The following DEAF1 variants were observed in gnomAD, a reference collection of about 807,000 sequenced individuals.
DEAF1 encodes DEAF1 transcription factor.
In DEAF1, 53 loss-of-function variants were observed where a neutral mutation model predicts 58.9. The ratio of observed to expected loss-of-function variants is 0.90; its 90% confidence interval spans 0.72 to 1.13. DEAF1 has a LOEUF of 1.13. Among genes scored for constraint, DEAF1 ranks in the 50% most tolerant of loss-of-function variants. The pLI, the probability that DEAF1 is intolerant of heterozygous loss-of-function variation, is 0.00. For synonymous variants in DEAF1, 385 were observed against 340.4 expected (o/e 1.13, Z -1.44); for missense variants, 685 against 791.4 (o/e 0.87, Z 1.61).
In DEAF1 at chr11:691,540, C is replaced by G. The variant is rs762223267; in HGVS notation, c.348G>C (p.Thr116=). ...VGAAADNVFT[T]SVANAASISG... ...AGATGGATGCCGCGTTCGCCACAGA[C>G]GTGGTGAAGACATTGTCTGCAGCAG... Residue 116 remains threonine, a synonymous_variant, in exon 2 of 12, where the codon ACG becomes ACC. Coordinates refer to ENST00000382409, the MANE Select transcript of DEAF1 (RefSeq NM_021008.4). The G allele has an allele frequency of 3.1e-6, 5 of 1,613,694 alleles. No individual in the cohort carries two copies. Among genetic ancestry groups the G allele is most frequent in the Non-Finnish European group, 3.4e-6 (4 of 1,180,006 alleles).
At chr11:702,586 C>A (rs1861546418) in intron 1 of DEAF1, among the ~76,000 whole-genome samples, 1 of 152,144 alleles carries the variant, frequency 6.6e-6, no homozygotes, top group Non-Finnish European at 1.5e-5. Flanking sequence ...GGGAATTTTT[C>A]AAAAAAATCC....
At position 678,696 on chromosome 11, in the gene DEAF1, A is replaced by G; in HGVS notation, c.1253T>C (p.Ile418Thr). The change falls in exon 9 of 12, where the codon ATA becomes ACA. Residue 418 changes from isoleucine to threonine, a missense_variant and splice_region_variant. Transcript: ENST00000382409. ...TGTGTGAATTCTTTCAAACCTACCT[A>G]TTTTGGGATGTGACGTTGGCAACGC... ...EAALPTSHPKIVLTSLPALAV... is the reference protein window; with the variant it reads ...EAALPTSHPKTVLTSLPALAV... 1.2e-6 allele frequency: 2 copies of G among 1,614,000 alleles called. No homozygotes were observed. The highest frequency in any genetic ancestry group is 2.2e-5 in the South Asian group (2 of 91,068).
chr11:669,167 G>A (rs1183402207), intron 10 of DEAF1, among the ~76,000 whole-genome samples: 2 of 126,742 alleles, frequency 1.6e-5, no homozygotes, highest in Non-Finnish European at 3.1e-5. Flanking sequence ...GTCTCACAAT[G>A]TCCAGGCTTG....
chr11:687,170 C>T (rs374461993), intron 4 of DEAF1, among the ~76,000 whole-genome samples, 173 bp from the exon 5 acceptor site: 14 of 152,368 alleles, frequency 9.2e-5, no homozygotes, highest in Non-Finnish European at 1.8e-4. Context: ...TCTGCCTTTG[C>T]AGCCTGTGCC....
rs755052270 is a variant in DEAF1, at chr11:694,825, G to T, written c.223C>A (p.His75Asn). The T allele has an allele frequency of 1.4e-6, 2 of 1,452,338 alleles. No homozygotes were observed. Among genetic ancestry groups the T allele is most frequent in the Non-Finnish European group, 1.8e-6 (2 of 1,105,378 alleles). The allele number at this position is 1,452,338 out of a possible 1,614,324, so 90.0% of individuals were successfully genotyped here. A position where few individuals can be genotyped will look rare whatever the true frequency, so the allele number is the denominator to read the frequency against. Residue 75 changes from histidine to asparagine, a missense_variant, in exon 1 of 12, where the codon CAC becomes AAC. By Grantham distance (68) the His-to-Asn change is moderately conservative (BLOSUM62 1). Transcript: ENST00000382409. The stretch of plus-strand genomic sequence containing the variant: ...AGGGCCTCGGCGCCCATGTCCATGT[G>T]CCCGGGCTCCGCCGCCATCACCGCC... ...AVAVMAAEPG[H>N]MDMGAEALPG... is the part of the protein sequence containing the mutation.
At chr11:654,689 C>G in intron 10 of DEAF1, 2 of 450,998 alleles carry the variant, frequency 4.4e-6, no homozygotes, top group Non-Finnish European at 8.9e-6. Flanking sequence ...GGCAACGTTG[C>G]GAAACCCAGT....
intron 1 of DEAF1, among the ~76,000 whole-genome samples, chr11:702,349 T>TGGGGCC (rs1861536609): frequency 6.6e-6 from 1 of 152,242 alleles, no homozygotes; most frequent in Non-Finnish European, 1.5e-5. Context: ...GCTGATCTTC[T>TGGGGCC]GGGGCCTGGG....
chr11:649,668 C>T (rs1001753913), intron 11 of DEAF1, among the ~76,000 whole-genome samples: 1 of 151,890 alleles, frequency 6.6e-6, no homozygotes, highest in African/African-American at 2.4e-5. Context: ...TGCAGTGAGC[C>T]GAGATTACGC....
chr11:689,742 G>C (rs1035102115), intron 2 of DEAF1: 1 of 152,216 alleles, frequency 6.6e-6, no homozygotes, highest in Non-Finnish European at 1.5e-5. Flanking sequence ...GGAACACACA[G>C]TTATTTCAGA....
chr11:692,100 G>A (rs1590022559), intron 1 of DEAF1: 2 of 249,690 alleles, frequency 8.0e-6, no homozygotes, highest in Admixed American at 1.0e-4. Context: ...CACAGCCATT[G>A]CCCTTGGTCT....
At chr11:682,828 G>A (rs986875894) in intron 6 of DEAF1, among the ~76,000 whole-genome samples, 1 of 152,156 alleles carries the variant, frequency 6.6e-6, no homozygotes, top group African/African-American at 2.4e-5. Flanking sequence ...CACTTCCCAG[G>A]AATTTACTGC....
intron 1 of DEAF1, among the ~76,000 whole-genome samples, chr11:691,923 G>T (rs143017088): frequency 1.8e-4 from 27 of 152,158 alleles, no homozygotes; most frequent in African/African-American, 6.5e-4. Flanking sequence ...CTCCTTCTGC[G>T]GCACAGCTGT....
intron 1 of DEAF1, chr11:693,479 CCT>C (rs1860924596): frequency 6.6e-6 from 1 of 152,324 alleles, no homozygotes; most frequent in African/African-American, 2.4e-5. Context: ...CACGCAATGC[CCT>C]GACATACCCA....
rs1052860551 is a variant in DEAF1, at chr11:666,898, GA to G, written c.1503+7637del. Among the ~76,000 whole-genome samples, 7 of 123,668 alleles carry G rather than the reference GA, an allele frequency of 5.7e-5. No homozygotes were observed. In the Admixed American group the frequency reaches 5.8e-4, roughly 10 times the overall value. The allele number at this position is 123,668 out of a possible 152,430, so 81.1% of individuals were successfully genotyped here. A position where few individuals can be genotyped will look rare whatever the true frequency, so the allele number is the denominator to read the frequency against. Reference sequence around the variant, plus strand: ...CAAAAAAAAAAAAAAAAAAAAAAAAGAAAAAAAGAAATAGTTATAGCCAGGA... The same window carrying G: ...CAAAAAAAAAAAAAAAAAAAAAAAAGAAAAAAGAAATAGTTATAGCCAGGA... On this transcript the variant is annotated intron_variant, in intron 10 of 11. Transcript: ENST00000382409.
Position 694,892 on chromosome 11 carries a change from T to G in DEAF1, c.156A>C (p.Ala52=). ...LSRDEDSEED[A]DSEAERETPR... is the part of the protein sequence containing the mutation. Reference sequence around the variant, plus strand: ...GCGTCTCCCGCTCCGCCTCCGAGTCTGCGTCCTCCTCCGAGTCCTCGTCCC... The same window carrying G: ...GCGTCTCCCGCTCCGCCTCCGAGTCGGCGTCCTCCTCCGAGTCCTCGTCCC... The change falls in exon 1 of 12, where the codon GCA becomes GCC. Residue 52 remains alanine (A), a synonymous_variant. Transcript: ENST00000382409. 6.7e-7 allele frequency: 1 copy of G among 1,486,130 alleles called. No individual in the cohort carries two copies. The highest frequency in any genetic ancestry group is 1.3e-5 in the South Asian group (1 of 79,778). 92.1% of individuals were successfully genotyped at this position (1,486,130 alleles called of 1,614,324 possible).
At chr11:694,181 A>AG (rs1164437330) in intron 1 of DEAF1, among the ~76,000 whole-genome samples, 1 of 150,938 alleles carries the variant, frequency 6.6e-6, no homozygotes, top group African/African-American at 2.4e-5. Context: ...AGAGCTGCAC[A>AG]GGGGGGACCA....
At chr11:681,164 TG>T in intron 6 of DEAF1, 75 bp from the exon 7 acceptor site, 1 of 1,603,960 alleles carries the variant, frequency 6.2e-7, no homozygotes, top group South Asian at 1.1e-5. Flanking sequence ...CCTCCTTAAG[TG>T]GGGGCACCGC....
At chr11:679,978 C>T in intron 7 of DEAF1, 162 bp from the exon 8 acceptor site, 1 of 987,850 alleles carries the variant, frequency 1.0e-6, no homozygotes, top group Admixed American at 2.2e-5. Flanking sequence ...AATCCCAGAC[C>T]TTGGAGAAGA....
intron 1 of DEAF1, chr11:700,609 C>T: frequency 6.2e-7 from 1 of 1,613,528 alleles, no homozygotes; most frequent in Non-Finnish European, 8.5e-7. Context: ...CGCCTCTGCT[C>T]TTCAGGTCAG....
Sources: gnomAD v4.1 joint callset for allele counts (sites outside exome capture counted in the v4.1 genomes callset) on GRCh38, gnomAD v4.1.1 for gene constraint, MANE v1.5 for transcripts, NCBI Gene and HGNC (gene_info 2026-07-23, HGNC 2026-07-21) for gene names.